TTC28: variants seen among roughly 807,000 people sequenced by gnomAD.
TTC28 encodes the protein tetratricopeptide repeat protein 28.
TTC28 carries 61 observed loss-of-function variants against 198.0 expected under a neutral mutation model. The observed-to-expected ratio is 0.31, with a 90% confidence interval of 0.25 to 0.38. TTC28 has a LOEUF of 0.38. Ranked by LOEUF, TTC28 falls within the 10% of genes least tolerant of loss-of-function variation. The probability of loss-of-function intolerance (pLI) is 1.00; values close to 1 mark genes in which losing one functional copy is unlikely to be tolerated. For synonymous variants in TTC28, 1,171 were observed against 1,297.8 expected, an observed-to-expected ratio of 0.90 and a Z score of 2.10; for missense variants, 2,678 against 3,164.0, an observed-to-expected ratio of 0.85 and a Z score of 3.69.
intron 2 of TTC28, among the ~76,000 whole-genome samples, chr22:28,387,687 G>A (rs2046633741): frequency 6.6e-6 from 1 of 152,114 alleles, no homozygotes; most frequent in Non-Finnish European, 1.5e-5. Context: ...TTTTTGATGG[G>A]GTTGTTTGTG....
chr22:28,340,311 T>C (rs1055110148), intron 2 of TTC28, among the ~76,000 whole-genome samples: 1 of 152,086 alleles, frequency 6.6e-6, no homozygotes, highest in African/African-American at 2.4e-5. Context: ...GTGATCTTCT[T>C]TGCCTTTAAT....
intron 2 of TTC28, among the ~76,000 whole-genome samples, chr22:28,626,492 T>C (rs140543481): frequency 1.2e-3 from 182 of 151,866 alleles, no homozygotes; most frequent in African/African-American, 4.2e-3. Flanking sequence ...AAAGCAAAAA[T>C]TAAAAGAAAA....
At chr22:28,125,024 G>C (rs2146949057) in intron 6 of TTC28, among the ~76,000 whole-genome samples, 1 of 152,254 alleles carries the variant, frequency 6.6e-6, no homozygotes, top group East Asian at 1.9e-4. Context: ...GCATACCCTA[G>C]AAAAATAATA....
intron 2 of TTC28, among the ~76,000 whole-genome samples, chr22:28,623,980 A>C (rs1468241719): frequency 2.6e-5 from 4 of 152,194 alleles, no homozygotes; most frequent in African/African-American, 9.6e-5. Context: ...CTTCTTAAGA[A>C]ATGAAAACAA....
chr22:28,404,855 T>C (rs1007324116), intron 2 of TTC28, among the ~76,000 whole-genome samples: 1 of 152,174 alleles, frequency 6.6e-6, no homozygotes, highest in Admixed American at 6.5e-5. Flanking sequence ...AGCAGAAAAT[T>C]GTTTTGAGTC....
chr22:28,499,766 AC>A, intron 2 of TTC28, among the ~76,000 whole-genome samples: 1 of 152,300 alleles, frequency 6.6e-6, no homozygotes, highest in Non-Finnish European at 1.5e-5. Flanking sequence ...AAACTCCAAC[AC>A]TATAATTTTT....
At chr22:27,992,896 C>T (rs369486090) in intron 18 of TTC28, 14 of 579,002 alleles carry the variant, frequency 2.4e-5, no homozygotes, top group Non-Finnish European at 4.3e-5. Flanking sequence ...CTAGGCGTGG[C>T]CACACTCCCA....
At chr22:28,519,241 A>G (rs1168981357) in intron 2 of TTC28, among the ~76,000 whole-genome samples, 1 of 152,204 alleles carries the variant, frequency 6.6e-6, no homozygotes. Flanking sequence ...ATAGAAGAAC[A>G]TACCTCTTCT....
chr22:28,570,998 T>C (rs910678936), intron 2 of TTC28, among the ~76,000 whole-genome samples: 1 of 152,206 alleles, frequency 6.6e-6, no homozygotes, highest in Admixed American at 6.5e-5. Context: ...TGGCATTTTT[T>C]TTTCCTGACT....
chr22:28,595,492 T>C (rs1350649107), intron 2 of TTC28, among the ~76,000 whole-genome samples: 1 of 152,210 alleles, frequency 6.6e-6, no homozygotes, highest in Non-Finnish European at 1.5e-5. Flanking sequence ...CTAACACTTT[T>C]ATATTATAGT....
chr22:28,203,531 T>C (rs1409133272), intron 5 of TTC28, among the ~76,000 whole-genome samples: 1 of 152,176 alleles, frequency 6.6e-6, no homozygotes, highest in African/African-American at 2.4e-5. Context: ...CAAGTCTTTG[T>C]GAATTTTTAT....
chr22:28,591,008 AACACACACAC>A (rs55694132), intron 2 of TTC28, among the ~76,000 whole-genome samples: 1,007 of 54,784 alleles, frequency 0.018, 23 homozygotes, highest in Non-Finnish European at 0.026. Flanking sequence ...CTCTGCCTCA[AACACACACAC>A]ACACACACAC....
At chr22:28,370,009 T>TA (rs2145986722) in intron 2 of TTC28, among the ~76,000 whole-genome samples, 1 of 152,298 alleles carries the variant, frequency 6.6e-6, no homozygotes, top group South Asian at 2.1e-4. Context: ...CCTCCCTCTG[T>TA]ATACCAGGAA....
At chr22:28,162,152 A>G (rs1181573119) in intron 6 of TTC28, among the ~76,000 whole-genome samples, 1 of 152,178 alleles carries the variant, frequency 6.6e-6, no homozygotes, top group East Asian at 1.9e-4. Flanking sequence ...ATATCTTCTA[A>G]AAAATTGCCA....
intron 9 of TTC28, among the ~76,000 whole-genome samples, chr22:28,100,624 C>T (rs1028768358): frequency 3.9e-5 from 6 of 152,182 alleles, no homozygotes; most frequent in African/African-American, 9.7e-5. Flanking sequence ...AGCACAATGT[C>T]CTCTGCAGTC....
rs564539387 is a variant in TTC28 at position 28,526,249 on chromosome 22, A to T, written c.381+103303T>A. Among the ~76,000 whole-genome samples, 8 of 152,348 alleles carry T rather than the reference A, an allele frequency of 5.3e-5. No homozygotes were observed. In the South Asian group the frequency reaches 1.7e-3, roughly 32 times the overall value. On this transcript the variant is annotated intron_variant, in intron 2 of 22. Transcript: ENST00000397906. ...TAAGACAAACTATCTCATTTGATGT[A>T]TAAATGTTCAATATTTCTTAGATAT... is the stretch of plus-strand genomic sequence containing the variant.
intron 6 of TTC28, among the ~76,000 whole-genome samples, chr22:28,162,875 G>A (rs908880283): frequency 6.6e-6 from 1 of 152,208 alleles, no homozygotes; most frequent in Admixed American, 6.5e-5. Context: ...ACTGCAGTGA[G>A]GTGTGGTTGT....
At chr22:28,375,497 G>A (rs146038596) in intron 2 of TTC28, among the ~76,000 whole-genome samples, 37 of 152,274 alleles carry the variant, frequency 2.4e-4, no homozygotes, top group African/African-American at 8.4e-4. Flanking sequence ...TTACTGCCTT[G>A]TACATTATTT....
At chr22:27,992,799 G>T in intron 18 of TTC28, 136 bp from the exon 19 acceptor site, 1 of 787,326 alleles carries the variant, frequency 1.3e-6, no homozygotes, top group Non-Finnish European at 2.0e-6. Context: ...CTAGACATGT[G>T]TGTCTGTGTG....
Sources: allele counts gnomAD v4.1 joint callset (sites outside exome capture counted in the v4.1 genomes callset), GRCh38; gene constraint gnomAD v4.1.1; transcripts MANE v1.5; gene names NCBI Gene and HGNC (gene_info 2026-07-23, HGNC 2026-07-21).